Variants in SHROOM3 observed in about 807,000 individuals in gnomAD.
SHROOM3 encodes the protein protein Shroom3.
A neutral mutation model predicts 138.6 loss-of-function variants in SHROOM3; 47 were observed. That is an observed-to-expected ratio of 0.34 (90% CI 0.27 to 0.43). SHROOM3 has a LOEUF of 0.43. Among genes scored for constraint, SHROOM3 ranks in the 20% least tolerant of loss-of-function variants. The pLI is 1.00. For synonymous variants in SHROOM3, 1,062 were observed against 1,063.3 expected, an observed-to-expected ratio of 1.00 and a Z score of 0.02; for missense variants, 2,491 against 2,596.5, an observed-to-expected ratio of 0.96 and a Z score of 0.88.
chr4:76,741,211 C>G lies in SHROOM3; in HGVS notation c.3038C>G (p.Pro1013Arg), dbSNP rs1380910463. The change falls in exon 5 of 11, where the codon CCC (proline) becomes CGC (arginine). Residue 1013 changes from proline (P) to arginine (R), a missense_variant. By Grantham distance (103) the Pro-to-Arg change is moderately radical. This residue lies in a region of SHROOM3 where 1,733 missense variants were observed against 1,661.6 expected (regional missense o/e 1.04). Transcript: ENST00000296043. The surrounding 1 kb of genome is among the most constrained non-coding windows in gnomAD (Gnocchi z 6.2). The stretch of plus-strand genomic sequence containing the variant: ...AGAGGTGCTCGCCGGCGCCTGACTC[C>G]CGAGCAGAAGAAGCGCTCCTACTCG... ...ARRGARRRLTPEQKKRSYSEP... is the reference protein window; with the variant it reads ...ARRGARRRLTREQKKRSYSEP... 1 of 1,607,684 alleles carries G rather than the reference C, an allele frequency of 6.2e-7. No individual in the cohort carries two copies. The highest frequency in any genetic ancestry group is 1.3e-5 in the African/African-American group (1 of 74,950).
chr4:76,675,086 T>C (rs1718994377), intron 2 of SHROOM3, among the ~76,000 whole-genome samples: 1 of 152,232 alleles, frequency 6.6e-6, no homozygotes, highest in African/African-American at 2.4e-5. Context: ...TTTTAGGTTC[T>C]GTCAGATTTA....
At chr4:76,736,998 T>C (rs1331171360) in intron 4 of SHROOM3, among the ~76,000 whole-genome samples, 2 of 152,216 alleles carry the variant, frequency 1.3e-5, no homozygotes, top group African/African-American at 2.4e-5. Flanking sequence ...TTTGGACAAA[T>C]GTATAATGAC....
intron 2 of SHROOM3, among the ~76,000 whole-genome samples, chr4:76,707,774 T>C (rs772779372): frequency 2.0e-5 from 3 of 152,112 alleles, no homozygotes; most frequent in African/African-American, 4.8e-5. Context: ...CGGTTCACTA[T>C]GGGTTTTTTT....
chr4:76,688,505 T>C lies in SHROOM3; in HGVS notation c.324-21651T>C, dbSNP rs1413464345. Reference sequence around the variant, plus strand: ...TTTAACAACAGGGATTCTGCTTGAATGAGAATAAAGCCAATTTCAAACCTT... The same window carrying C: ...TTTAACAACAGGGATTCTGCTTGAACGAGAATAAAGCCAATTTCAAACCTT... On this transcript the variant is annotated intron_variant, in intron 2 of 10. Transcript: ENST00000296043. The C allele has an allele frequency of 3.0e-6, 3 of 985,040 alleles. No individual in the cohort carries two copies. The African/African-American group carries it at 5.2e-5, about 17-fold the overall frequency. The allele number at this position is 985,040 out of a possible 1,614,324, so 61.0% of individuals were successfully genotyped here.
At chr4:76,730,724 C>G (rs1720846219) in intron 3 of SHROOM3, 80 bp from the exon 4 acceptor site, 11 of 1,598,188 alleles carry the variant, frequency 6.9e-6, no homozygotes, top group Non-Finnish European at 8.5e-6. Flanking sequence ...TCTTCGCTTC[C>G]AAATCCACAA....
rs183695306 is a variant in SHROOM3, at chr4:76,584,336, A to T, written c.323+28573A>T. On this transcript the variant is annotated intron_variant, in intron 2 of 10. Coordinates refer to ENST00000296043, the MANE Select transcript of SHROOM3 (RefSeq NM_020859.4). ...CATCTCAAAGAAAAAAAAAAAAAAG[A>T]GTCACATAGATTTCTTTTACTGTAA... Among the ~76,000 whole-genome samples the T allele has an allele frequency of 2.3e-3, 347 of 151,764 alleles. 1 individual carries two copies. Among genetic ancestry groups the T allele is most frequent in the African/African-American group, 7.7e-3 (319 of 41,436 alleles).
At chr4:76,525,272 A>G (rs1469492907) in intron 1 of SHROOM3, among the ~76,000 whole-genome samples, 1 of 152,174 alleles carries the variant, frequency 6.6e-6, no homozygotes, top group Non-Finnish European at 1.5e-5. Flanking sequence ...GTGACAGGAC[A>G]GAGTGAGTGC....
intron 2 of SHROOM3, among the ~76,000 whole-genome samples, chr4:76,676,944 CAAA>C (rs58270392): frequency 2.5e-5 from 2 of 79,072 alleles, no homozygotes; most frequent in East Asian, 3.1e-4. Context: ...CTCCGTCTCA[CAAA>C]AAAAAAAAAA....
intron 4 of SHROOM3, among the ~76,000 whole-genome samples, 183 bp downstream of exon 4, chr4:76,731,118 T>C (rs1720868014): frequency 6.6e-6 from 1 of 152,236 alleles, no homozygotes; most frequent in Admixed American, 6.5e-5. Flanking sequence ...TACCTTTATA[T>C]GCTTGGCTAG....
chr4:76,663,935 G>A (rs1169893662), intron 2 of SHROOM3, among the ~76,000 whole-genome samples: 2 of 152,160 alleles, frequency 1.3e-5, no homozygotes. Flanking sequence ...CTTGAGTCAT[G>A]ACACCTGCCT....
At position 76,738,332 on chromosome 4, in the gene SHROOM3, G is replaced by A. The variant is rs369128030; in HGVS notation, c.588-429G>A. Among the ~76,000 whole-genome samples the A allele has an allele frequency of 3.3e-5, 5 of 152,194 alleles. No individual in the cohort carries two copies. In the East Asian group the frequency reaches 5.8e-4, roughly 18 times the overall value. Reference sequence around the variant, plus strand: ...TGTGCACACAAAGTCTCCTTCACCCGTGCCTATTCTCTTATTAACTTTTTC... The same window carrying A: ...TGTGCACACAAAGTCTCCTTCACCCATGCCTATTCTCTTATTAACTTTTTC... On this transcript the variant is annotated intron_variant, in intron 4 of 10. Coordinates refer to ENST00000296043, the MANE Select transcript of SHROOM3 (RefSeq NM_020859.4).
At chr4:76,547,722 A>G (rs1193828824) in intron 1 of SHROOM3, among the ~76,000 whole-genome samples, 1 of 152,030 alleles carries the variant, frequency 6.6e-6, no homozygotes, top group Non-Finnish European at 1.5e-5. Flanking sequence ...TTGAGGTCAG[A>G]AGTTCGAGAT....
intron 2 of SHROOM3, among the ~76,000 whole-genome samples, chr4:76,682,708 C>T (rs1454581256): frequency 6.6e-6 from 1 of 151,898 alleles, no homozygotes; most frequent in East Asian, 1.9e-4. Context: ...CTGAATGATA[C>T]TCTGCCAGCT....
chr4:76,554,997 G>GC (rs1402722628), intron 1 of SHROOM3, among the ~76,000 whole-genome samples: 310 of 151,646 alleles, frequency 2.0e-3, no homozygotes, highest in Middle Eastern at 6.8e-3. Context: ...AATGCCTGAA[G>GC]ATCTGTCACT....
chr4:76,523,534 GAT>G (rs888682507), intron 1 of SHROOM3, among the ~76,000 whole-genome samples: 1 of 152,128 alleles, frequency 6.6e-6, no homozygotes, highest in Non-Finnish European at 1.5e-5. Flanking sequence ...TTCTTTCAAT[GAT>G]TCTAAAGTTT....
intron 2 of SHROOM3, chr4:76,575,535 C>T (rs1733919715): frequency 6.6e-6 from 1 of 152,206 alleles, no homozygotes; most frequent in African/African-American, 2.4e-5. Flanking sequence ...ATACCAAAAT[C>T]AGCAGCATTT....
intron 1 of SHROOM3, among the ~76,000 whole-genome samples, chr4:76,447,093 TG>T (rs1730822643): frequency 6.6e-6 from 1 of 152,172 alleles, no homozygotes; most frequent in African/African-American, 2.4e-5. Flanking sequence ...TTGGTTCAAT[TG>T]GCCTCATCTC....
At chr4:76,767,994 G>T (rs1722219231) in intron 9 of SHROOM3, among the ~76,000 whole-genome samples, 1 of 152,212 alleles carries the variant, frequency 6.6e-6, no homozygotes, top group African/African-American at 2.4e-5. Flanking sequence ...TGAGGGTGCA[G>T]TGATAATGTT....
chr4:76,509,376 C>T (rs4859686), intron 1 of SHROOM3: 18,036 of 152,010 alleles, frequency 0.12, 1,286 homozygotes, highest in East Asian at 0.23. Flanking sequence ...GTACCTGGGG[C>T]CTTACTGAAA....
Sources: gnomAD v4.1 joint callset for allele counts (sites outside exome capture counted in the v4.1 genomes callset) on GRCh38, gnomAD v4.1.1 for gene constraint, gnomAD v4.1.1 regional missense constraint, Gnocchi (gnomAD v3.1) non-coding constraint, MANE v1.5 for transcripts, NCBI Gene and HGNC (gene_info 2026-07-23, HGNC 2026-07-21) for gene names.